UBE2E2: variants seen among roughly 807,000 people sequenced by gnomAD.
UBE2E2 encodes the protein ubiquitin conjugating enzyme E2 E2.
In UBE2E2, 6 loss-of-function variants were observed where a neutral mutation model predicts 24.7. The ratio of observed to expected loss-of-function variants is 0.24; its 90% CI spans 0.13 to 0.48. The LOEUF (loss-of-function observed/expected upper bound fraction) is 0.48, where lower values mean the gene tolerates loss of function less well. Ranked by LOEUF, UBE2E2 falls within the 20% of genes least tolerant of loss-of-function variation. The probability of loss-of-function intolerance (pLI) is 0.99; values close to 1 mark genes in which losing one functional copy is unlikely to be tolerated. For synonymous variants in UBE2E2, 104 were observed against 83.6 expected, an observed-to-expected ratio of 1.24 and a Z score of -1.33; for missense variants, 169 against 245.0, an observed-to-expected ratio of 0.69 and a Z score of 2.07.
intron 3 of UBE2E2, among the ~76,000 whole-genome samples, chr3:23,384,621 C>T (rs1696759016): frequency 6.6e-6 from 1 of 152,190 alleles, no homozygotes; most frequent in South Asian, 2.1e-4. Flanking sequence ...TGGCTCACTG[C>T]AACCTCCACC....
At chr3:23,249,314 T>G (rs1697507630) in intron 3 of UBE2E2, among the ~76,000 whole-genome samples, 1 of 151,584 alleles carries the variant, frequency 6.6e-6, no homozygotes, top group African/African-American at 2.4e-5. Context: ...AGATATGACT[T>G]TACCATAATT....
intron 3 of UBE2E2, among the ~76,000 whole-genome samples, chr3:23,251,656 T>C (rs1485671240): frequency 6.6e-6 from 1 of 152,242 alleles, no homozygotes; most frequent in African/African-American, 2.4e-5. Flanking sequence ...CATTATTAAC[T>C]TCTGTTTAGA....
At chr3:23,387,117 T>C (rs1163567109) in intron 3 of UBE2E2, among the ~76,000 whole-genome samples, 2 of 152,240 alleles carry the variant, frequency 1.3e-5, no homozygotes, top group Non-Finnish European at 2.9e-5. Flanking sequence ...AAGCAAAGTT[T>C]AAGACGCACA....
At chr3:23,303,426 GT>G (rs1699155729) in intron 3 of UBE2E2, among the ~76,000 whole-genome samples, 1 of 152,116 alleles carries the variant, frequency 6.6e-6, no homozygotes, top group African/African-American at 2.4e-5. Context: ...TGCCAGAAAG[GT>G]TGGGGACCGC....
intron 4 of UBE2E2, among the ~76,000 whole-genome samples, chr3:23,507,548 T>C (rs544059744): frequency 6.6e-6 from 1 of 152,310 alleles, no homozygotes; most frequent in African/African-American, 2.4e-5. Context: ...TACCCCCACT[T>C]CATGGATCAG....
intron 3 of UBE2E2, among the ~76,000 whole-genome samples, chr3:23,317,764 T>A (rs1694626016): frequency 6.6e-6 from 1 of 151,914 alleles, no homozygotes; most frequent in Admixed American, 6.6e-5. Context: ...ACCGGGTCTC[T>A]CCCACGACAT....
intron 3 of UBE2E2, among the ~76,000 whole-genome samples, chr3:23,328,923 A>G (rs1327471306): frequency 3.9e-5 from 6 of 152,108 alleles, no homozygotes; most frequent in Admixed American, 1.3e-4. Context: ...CGGTCTCCCA[A>G]ATTGCTGGGA....
chr3:23,469,041 A>C (rs752892911), intron 3 of UBE2E2, among the ~76,000 whole-genome samples: 1 of 152,198 alleles, frequency 6.6e-6, no homozygotes, highest in Non-Finnish European at 1.5e-5. Context: ...ACAAAGTACC[A>C]TGGACTGAGT....
intron 2 of UBE2E2, among the ~76,000 whole-genome samples, chr3:23,210,275 C>T (rs1575471670): frequency 2.0e-5 from 3 of 152,120 alleles, no homozygotes; most frequent in African/African-American, 7.2e-5. Flanking sequence ...TACAGGGCCT[C>T]TTCAGTTTGT....
chr3:23,546,703 C>T (rs1695532578), intron 5 of UBE2E2, among the ~76,000 whole-genome samples: 2 of 151,724 alleles, frequency 1.3e-5, no homozygotes, highest in African/African-American at 4.8e-5. Flanking sequence ...AAACTCCCAA[C>T]CTCAGGTGAT....
chr3:23,441,464 G>A (rs1051281158), intron 3 of UBE2E2, among the ~76,000 whole-genome samples: 10 of 149,272 alleles, frequency 6.7e-5, no homozygotes, highest in Non-Finnish European at 1.2e-4. Context: ...GCGTGAACCC[G>A]GGAGGCAGAG....
At chr3:23,206,480 A>T (rs552880812) in intron 1 of UBE2E2, among the ~76,000 whole-genome samples, 2 of 152,306 alleles carry the variant, frequency 1.3e-5, no homozygotes, top group Non-Finnish European at 2.9e-5. Flanking sequence ...GGTGCTCTTC[A>T]TTTACAGAAT....
At chr3:23,320,635 C>T (rs933746549) in intron 3 of UBE2E2, among the ~76,000 whole-genome samples, 7 of 152,178 alleles carry the variant, frequency 4.6e-5, no homozygotes, top group South Asian at 2.1e-4. Context: ...AGAAAGGTTA[C>T]GTATTTGGCC....
chr3:23,460,580 C>T (rs920508221), intron 3 of UBE2E2, among the ~76,000 whole-genome samples: 9 of 152,028 alleles, frequency 5.9e-5, no homozygotes, highest in South Asian at 2.1e-4. Flanking sequence ...ATATAAATAC[C>T]GATAATATAA....
intron 4 of UBE2E2, among the ~76,000 whole-genome samples, chr3:23,512,130 G>A (rs1378805809): frequency 1.3e-5 from 2 of 151,028 alleles, no homozygotes; most frequent in African/African-American, 4.9e-5. Flanking sequence ...GAGCTATGAA[G>A]TGATCTTGGT....
intron 3 of UBE2E2, among the ~76,000 whole-genome samples, chr3:23,428,855 A>G (rs1697990625): frequency 6.7e-6 from 1 of 149,824 alleles, no homozygotes; most frequent in South Asian, 2.2e-4. Context: ...TGAGCCTGGG[A>G]AATGGAGGCT....
chr3:23,495,029 C>G (rs1236065622), intron 3 of UBE2E2, among the ~76,000 whole-genome samples: 1 of 152,130 alleles, frequency 6.6e-6, no homozygotes, highest in African/African-American at 2.4e-5. Flanking sequence ...CCCGCCTCAG[C>G]CTCCCAAAGT....
At chr3:23,319,915 T>C (rs982759167) in intron 3 of UBE2E2, among the ~76,000 whole-genome samples, 1 of 152,144 alleles carries the variant, frequency 6.6e-6, no homozygotes, top group African/African-American at 2.4e-5. Context: ...GCATCAAGGC[T>C]GATAGCTGTG....
At chr3:23,489,726 C>T (rs868341506) in intron 3 of UBE2E2, among the ~76,000 whole-genome samples, 9 of 152,304 alleles carry the variant, frequency 5.9e-5, no homozygotes, top group Middle Eastern at 3.4e-3. Context: ...TCCTTCCTAA[C>T]AGGCCACGGA....
Sources: allele counts gnomAD v4.1 joint callset (sites outside exome capture counted in the v4.1 genomes callset), GRCh38; gene constraint gnomAD v4.1.1; transcripts MANE v1.5; gene names NCBI Gene and HGNC (gene_info 2026-07-23, HGNC 2026-07-21).